The following RORA variants were observed in gnomAD, a reference collection of about 807,000 sequenced individuals.
RORA encodes RAR related orphan receptor A, also known as nuclear receptor ROR-alpha.
A neutral mutation model predicts 69.5 loss-of-function variants in RORA; 7 were observed. The observed-to-expected ratio is 0.10, with a 90% CI of 0.06 to 0.19. The LOEUF is 0.19. Among genes scored for constraint, RORA ranks in the 10% least tolerant of loss-of-function variants. The pLI is 1.00. For synonymous variants in RORA, 261 were observed against 240.8 expected (o/e 1.08, Z -0.78); for missense variants, 457 against 663.0 (o/e 0.69, Z 3.41).
chr15:60,766,589 T>G (rs1299654497), intron 1 of RORA, among the ~76,000 whole-genome samples: 1 of 151,892 alleles, frequency 6.6e-6, no homozygotes, highest in African/African-American at 2.4e-5. Flanking sequence ...TGTACATTAA[T>G]CCCTGCCTCT....
At chr15:60,705,600 T>C (rs927634361) in intron 1 of RORA, among the ~76,000 whole-genome samples, 17 of 152,192 alleles carry the variant, frequency 1.1e-4, no homozygotes, top group Non-Finnish European at 2.2e-4. Context: ...AGAGAGGTGA[T>C]TGTAGTGTCT....
intron 2 of RORA, among the ~76,000 whole-genome samples, chr15:60,622,763 T>G (rs1400047549): frequency 5.9e-5 from 9 of 152,180 alleles, no homozygotes; most frequent in Non-Finnish European, 4.4e-5. Flanking sequence ...TCACCCAGGC[T>G]GGGGTGCAGT....
intron 1 of RORA, chr15:60,849,107 T>C (rs1400784931): frequency 6.6e-6 from 1 of 152,250 alleles, no homozygotes; most frequent in Non-Finnish European, 1.5e-5. Flanking sequence ...GTTCTTCTTT[T>C]TGTATCCTTT....
At chr15:60,735,063 G>C (rs2071480150) in intron 1 of RORA, among the ~76,000 whole-genome samples, 1 of 152,170 alleles carries the variant, frequency 6.6e-6, no homozygotes, top group Non-Finnish European at 1.5e-5. Context: ...GAAGTACAAA[G>C]CATCAGAGAG....
At chr15:61,141,030 C>T (rs146039602) in intron 1 of RORA, among the ~76,000 whole-genome samples, 368 of 152,228 alleles carry the variant, frequency 2.4e-3, no homozygotes, top group African/African-American at 8.2e-3. Flanking sequence ...ATTCTATTTG[C>T]AGTACCCTTA....
At chr15:60,713,354 C>T (rs952349407) in intron 1 of RORA, among the ~76,000 whole-genome samples, 3 of 151,998 alleles carry the variant, frequency 2.0e-5, no homozygotes, top group Admixed American at 6.5e-5. Context: ...AAACCAATGG[C>T]GCCTTTTATC....
intron 1 of RORA, among the ~76,000 whole-genome samples, chr15:60,679,152 T>G (rs1482095287): frequency 6.6e-6 from 1 of 152,132 alleles, no homozygotes; most frequent in African/African-American, 2.4e-5. Context: ...CCTCCTCCCA[T>G]GAAGCACAAC....
intron 2 of RORA, among the ~76,000 whole-genome samples, chr15:60,628,422 G>A (rs1194202608): frequency 6.6e-6 from 1 of 152,162 alleles, no homozygotes; most frequent in Non-Finnish European, 1.5e-5. Flanking sequence ...CTGCAGCGCT[G>A]TGGCACTGTC....
chr15:61,001,293 T>C lies in RORA; in HGVS notation c.166+227760A>G, dbSNP rs181838592. ...GGCGCAAGAGTGTGCTATAAAAAGG[T>C]CATTAATAACTCAACTTAGGGCTCA... On this transcript the variant is annotated intron_variant, in intron 1 of 10. Coordinates refer to ENST00000335670, the MANE Select transcript of RORA (RefSeq NM_134261.3). Among the ~76,000 whole-genome samples, 361 of 152,284 alleles carry C rather than the reference T, an allele frequency of 2.4e-3. 4 individuals are homozygous for C. The highest frequency in any genetic ancestry group is 8.3e-3 in the African/African-American group (344 of 41,560).
At chr15:61,044,997 A>C (rs2140482220) in intron 1 of RORA, among the ~76,000 whole-genome samples, 1 of 152,346 alleles carries the variant, frequency 6.6e-6, no homozygotes, top group African/African-American at 2.4e-5. Context: ...GAAAATGTGA[A>C]GGGCTGTCCC....
At chr15:60,937,780 T>G (rs530628936) in intron 1 of RORA, among the ~76,000 whole-genome samples, 2 of 152,328 alleles carry the variant, frequency 1.3e-5, no homozygotes, top group South Asian at 4.1e-4. Flanking sequence ...ATCTGAAATA[T>G]TATCAGTCAA....
intron 1 of RORA, among the ~76,000 whole-genome samples, chr15:60,898,885 G>A (rs182986853): frequency 1.9e-4 from 29 of 152,270 alleles, no homozygotes; most frequent in Admixed American, 3.3e-4. Context: ...GCGGATATGA[G>A]GGCACAGGGG....
At chr15:60,879,387 G>C (rs1450407053) in intron 1 of RORA, among the ~76,000 whole-genome samples, 2 of 152,062 alleles carry the variant, frequency 1.3e-5, no homozygotes, top group Admixed American at 1.3e-4. Flanking sequence ...CTGTTGGGTA[G>C]AGTATATGAG....
rs528459511 is a variant in RORA at position 60,994,857 on chromosome 15, C to T, written c.166+234196G>A. On this transcript the variant is annotated intron_variant, in intron 1 of 10. Transcript: ENST00000335670. ...TCCTTGAGAAAGCCAACTTTACCAA[C>T]CTTTTGAAGACCCTTCGTTTTAACA... Among the ~76,000 whole-genome samples, 52 of 152,256 alleles carry T rather than the reference C, an allele frequency of 3.4e-4. 1 individual carries two copies. The South Asian group carries it at 0.01, about 30-fold the overall frequency.
At chr15:60,579,303 A>T (rs183177599) in intron 2 of RORA, among the ~76,000 whole-genome samples, 1 of 152,120 alleles carries the variant, frequency 6.6e-6, no homozygotes, top group African/African-American at 2.4e-5. Context: ...GGGGCCCCGC[A>T]GGGGGTCCCT....
chr15:61,196,823 G>A (rs117821435), intron 1 of RORA, among the ~76,000 whole-genome samples: 3,709 of 152,280 alleles, frequency 0.024, 55 homozygotes, highest in Middle Eastern at 0.051. Context: ...CCAGTCACCC[G>A]TGCAGCGCAT....
At chr15:60,979,168 G>T (rs1296792821) in intron 1 of RORA, among the ~76,000 whole-genome samples, 1 of 151,132 alleles carries the variant, frequency 6.6e-6, no homozygotes, top group East Asian at 1.9e-4. Context: ...GTTTCACCAT[G>T]CTAGCCAGGA....
chr15:60,808,022 C>T (rs1190434612), intron 1 of RORA, among the ~76,000 whole-genome samples: 2 of 152,142 alleles, frequency 1.3e-5, no homozygotes, highest in Non-Finnish European at 2.9e-5. Context: ...TAGGCAAAGA[C>T]TTCATGACCA....
intron 1 of RORA, among the ~76,000 whole-genome samples, chr15:60,691,486 C>T (rs1374252471): frequency 6.6e-6 from 1 of 152,096 alleles, no homozygotes; most frequent in African/African-American, 2.4e-5. Flanking sequence ...AAGTTGACTC[C>T]CCAAAGCCAC....
Sources: allele counts gnomAD v4.1 joint callset (sites outside exome capture counted in the v4.1 genomes callset), GRCh38; gene constraint gnomAD v4.1.1; transcripts MANE v1.5; gene names NCBI Gene and HGNC (gene_info 2026-07-23, HGNC 2026-07-21).